The following CCSER1 variants were observed in gnomAD, a reference collection of about 807,000 sequenced individuals.
The protein encoded by CCSER1 is serine-rich coiled-coil domain-containing protein 1.
CCSER1 carries 41 observed loss-of-function variants against 82.0 expected under a neutral mutation model. That is an observed-to-expected ratio of 0.50 (90% CI 0.39 to 0.65). The LOEUF (loss-of-function observed/expected upper bound fraction) is 0.65. Among genes scored for constraint, CCSER1 ranks in the 30% least tolerant of loss-of-function variants. The pLI is 0.00. For synonymous variants in CCSER1, 414 were observed against 383.9 expected (o/e 1.08, Z -0.92); for missense variants, 1,119 against 1,064.2 (o/e 1.05, Z -0.72).
At chr4:90,825,380 ACTT>A (rs1159548509) in intron 8 of CCSER1, among the ~76,000 whole-genome samples, 1 of 152,200 alleles carries the variant, frequency 6.6e-6, no homozygotes, top group Non-Finnish European at 1.5e-5. Context: ...TTTATTTTAT[ACTT>A]CTTTTGTTAC....
At chr4:91,084,409 T>G (rs903176130) in intron 9 of CCSER1, among the ~76,000 whole-genome samples, 1 of 152,254 alleles carries the variant, frequency 6.6e-6, no homozygotes, top group Admixed American at 6.5e-5. Flanking sequence ...GTAGCTACTA[T>G]ATTTATTATC....
At chr4:90,714,327 A>AT (rs1455882142) in intron 6 of CCSER1, among the ~76,000 whole-genome samples, 1 of 151,888 alleles carries the variant, frequency 6.6e-6, no homozygotes, top group African/African-American at 2.4e-5. Flanking sequence ...GGAGGCAAAG[A>AT]TTTTTTCTTA....
chr4:91,262,384 C>T (rs1741259843), intron 10 of CCSER1, among the ~76,000 whole-genome samples: 1 of 151,986 alleles, frequency 6.6e-6, no homozygotes, highest in African/African-American at 2.4e-5. Flanking sequence ...TCTGGTACCT[C>T]ATAGGCACTC....
intron 7 of CCSER1, among the ~76,000 whole-genome samples, chr4:90,729,199 C>CCCATA (rs1744257989): frequency 6.6e-6 from 1 of 152,116 alleles, no homozygotes; most frequent in African/African-American, 2.4e-5. Flanking sequence ...CCATATGTAA[C>CCCATA]TGTTGATTAT....
At chr4:90,317,067 T>C (rs975653926) in intron 3 of CCSER1, among the ~76,000 whole-genome samples, 3 of 152,198 alleles carry the variant, frequency 2.0e-5, no homozygotes, top group African/African-American at 7.2e-5. Flanking sequence ...AAAGAACATA[T>C]TTCTTTAAAG....
chr4:91,304,737 A>G (rs1433476786), intron 10 of CCSER1, among the ~76,000 whole-genome samples: 1 of 152,038 alleles, frequency 6.6e-6, no homozygotes, highest in Non-Finnish European at 1.5e-5. Flanking sequence ...ATGAATCACA[A>G]TACAATCCCC....
chr4:90,829,370 G>A (rs1760857670), intron 8 of CCSER1, among the ~76,000 whole-genome samples: 1 of 152,070 alleles, frequency 6.6e-6, no homozygotes, highest in African/African-American at 2.4e-5. Flanking sequence ...AAATAGCTAT[G>A]GGTAGGAAGT....
At chr4:91,377,797 T>C (rs1277168495) in intron 10 of CCSER1, among the ~76,000 whole-genome samples, 3 of 152,228 alleles carry the variant, frequency 2.0e-5, no homozygotes, top group Admixed American at 2.0e-4. Context: ...CCATTGCTTT[T>C]GGTGTTTTAG....
At chr4:90,929,101 C>G (rs1430879158) in intron 9 of CCSER1, among the ~76,000 whole-genome samples, 1 of 151,998 alleles carries the variant, frequency 6.6e-6, no homozygotes, top group Non-Finnish European at 1.5e-5. Flanking sequence ...TATTCTTCTT[C>G]CAGAGCAGAG....
At chr4:91,135,101 C>T in intron 10 of CCSER1, among the ~76,000 whole-genome samples, 1 of 151,776 alleles carries the variant, frequency 6.6e-6, no homozygotes, top group Non-Finnish European at 1.5e-5. Flanking sequence ...TTTCCCCCCA[C>T]TTACTGACTA....
chr4:90,713,980 C>G (rs543568701), intron 6 of CCSER1, among the ~76,000 whole-genome samples: 183 of 151,996 alleles, frequency 1.2e-3, no homozygotes, highest in African/African-American at 4.2e-3. Flanking sequence ...TGTTTTTCAG[C>G]TCCATCAGAC....
chr4:91,148,354 A>G (rs545701531), intron 10 of CCSER1, among the ~76,000 whole-genome samples: 1 of 152,150 alleles, frequency 6.6e-6, no homozygotes, highest in African/African-American at 2.4e-5. Flanking sequence ...CGAAGCTGGA[A>G]CTCTATTAAT....
chr4:90,271,852 ATATATATATATTTTT>A (rs1726475659), intron 1 of CCSER1, among the ~76,000 whole-genome samples: 2 of 24,442 alleles, frequency 8.2e-5, no homozygotes, highest in South Asian at 1.9e-3. Context: ...ATATATATAT[ATATATATATATTTTT>A]TTTTTTTTTT....
intron 10 of CCSER1, among the ~76,000 whole-genome samples, chr4:91,456,509 T>G (rs1167467596): frequency 1.3e-5 from 2 of 152,142 alleles, no homozygotes; most frequent in Non-Finnish European, 2.9e-5. Context: ...TTATGCACTT[T>G]CTAACTGTAT....
chr4:90,145,657 A>C (rs1725670399), intron 1 of CCSER1, among the ~76,000 whole-genome samples: 1 of 152,114 alleles, frequency 6.6e-6, no homozygotes, highest in Non-Finnish European at 1.5e-5. Flanking sequence ...GATAGGTTAC[A>C]GAGTTTTCAT....
chr4:90,629,749 A>G (rs762878403), intron 6 of CCSER1, among the ~76,000 whole-genome samples: 1 of 152,230 alleles, frequency 6.6e-6, no homozygotes, highest in South Asian at 2.1e-4. Flanking sequence ...CTGTAGCGGT[A>G]TGCTTATACT....
intron 3 of CCSER1, among the ~76,000 whole-genome samples, chr4:90,333,763 G>T (rs1358227016): frequency 6.6e-6 from 1 of 152,126 alleles, no homozygotes; most frequent in Non-Finnish European, 1.5e-5. Flanking sequence ...TAGTAAATTG[G>T]TTCAAAGAGC....
chr4:91,409,773 C>T (rs938019665), intron 10 of CCSER1, among the ~76,000 whole-genome samples: 3 of 152,122 alleles, frequency 2.0e-5, no homozygotes, highest in African/African-American at 7.2e-5. Context: ...ATCTCTGCCT[C>T]CTGGGTTCAA....
intron 5 of CCSER1, among the ~76,000 whole-genome samples, chr4:90,500,452 C>T (rs1560618976): frequency 6.6e-6 from 1 of 151,960 alleles, no homozygotes; most frequent in South Asian, 2.1e-4. Flanking sequence ...GTGCCTCAGC[C>T]CCCTGAGTAG....
Sources: allele counts gnomAD v4.1 joint callset (sites outside exome capture counted in the v4.1 genomes callset), GRCh38; gene constraint gnomAD v4.1.1; transcripts MANE v1.5; gene names NCBI Gene and HGNC (gene_info 2026-07-23, HGNC 2026-07-21).